Variants in THSD7B observed in about 807,000 individuals in gnomAD.
The protein encoded by THSD7B is thrombospondin type-1 domain-containing protein 7B.
In THSD7B, 138 loss-of-function variants were observed where a neutral mutation model predicts 213.6. That is an observed-to-expected ratio of 0.65 (90% CI 0.56 to 0.74). The LOEUF (loss-of-function observed/expected upper bound fraction) is 0.74. Ranked by LOEUF, THSD7B falls within the 30% of genes least tolerant of loss-of-function variation. THSD7B has a pLI of 0.00. For synonymous variants in THSD7B, 742 were observed against 687.0 expected (o/e 1.08, Z -1.25); for missense variants, 1,931 against 1,991.5 (o/e 0.97, Z 0.58).
In THSD7B at chr2:137,603,839, G is replaced by A. The variant is rs146921907; in HGVS notation, c.3424-12336G>A. ...AAAACTTTAAAACATGGCCAGGCACGGTGGCTCATGCCTGTAATCCCAACA... is the reference window on the plus strand; with the variant it reads ...AAAACTTTAAAACATGGCCAGGCACAGTGGCTCATGCCTGTAATCCCAACA... On this transcript the variant is annotated intron_variant, in intron 17 of 27. Transcript: ENST00000409968. 2.0e-4 allele frequency among the ~76,000 whole-genome samples: 30 copies of A among 152,260 alleles called. No homozygotes were observed. The East Asian group carries it at 5.4e-3, about 27-fold the overall frequency.
At chr2:137,624,275 A>G (rs1682579927) in intron 20 of THSD7B, among the ~76,000 whole-genome samples, 1 of 152,250 alleles carries the variant, frequency 6.6e-6, no homozygotes, top group South Asian at 2.1e-4. Flanking sequence ...GGCCAGCCAG[A>G]TGTAGAAAGC....
chr2:137,147,658 A>G (rs1440589041), intron 5 of THSD7B, among the ~76,000 whole-genome samples: 2 of 152,098 alleles, frequency 1.3e-5, no homozygotes, highest in Non-Finnish European at 2.9e-5. Context: ...ATTTCCGTTC[A>G]GATACTTTTA....
chr2:137,290,364 C>T (rs1683297778), intron 12 of THSD7B, among the ~76,000 whole-genome samples: 1 of 152,092 alleles, frequency 6.6e-6, no homozygotes, highest in South Asian at 2.1e-4. Flanking sequence ...GCTGGGATTA[C>T]AGGCGTGAGC....
intron 1 of THSD7B, among the ~76,000 whole-genome samples, chr2:136,864,233 T>C (rs1395423961): frequency 6.6e-6 from 1 of 152,172 alleles, no homozygotes; most frequent in East Asian, 1.9e-4. Flanking sequence ...AAGTGCTCAA[T>C]ATATGCTCCA....
At chr2:137,592,764 A>AT (rs1218768452) in intron 17 of THSD7B, among the ~76,000 whole-genome samples, 4 of 151,890 alleles carry the variant, frequency 2.6e-5, no homozygotes, top group African/African-American at 7.2e-5. Flanking sequence ...GGGTTGATAA[A>AT]TTTTTTTACT....
chr2:136,855,592 T>C (rs922631413), intron 1 of THSD7B, among the ~76,000 whole-genome samples: 2 of 128,502 alleles, frequency 1.6e-5, no homozygotes, highest in African/African-American at 5.8e-5. Context: ...CATCCGGCTA[T>C]TATTTATTTA....
At chr2:137,417,556 C>CAG (rs1358205640) in intron 14 of THSD7B, among the ~76,000 whole-genome samples, 1 of 152,078 alleles carries the variant, frequency 6.6e-6, no homozygotes, top group African/African-American at 2.4e-5. Flanking sequence ...CCTCCCGCCT[C>CAG]AGCCTCCTGA....
chr2:137,276,010 G>A lies in THSD7B; in HGVS notation c.2484G>A (p.Lys828=), dbSNP rs749793876. 7 of 1,611,386 alleles carry A rather than the reference G, an allele frequency of 4.3e-6. No homozygotes were observed. Among genetic ancestry groups the A allele is most frequent in the South Asian group, 2.2e-5 (2 of 90,874 alleles). ...GITGSSEACG[K]GLQTRAVSCI... ...CGGGCAGCAGTGAAGCCTGTGGAAA[G>A]GGGTTACAAACAAGAGGTATGATGA... Residue 828 remains lysine (K), a synonymous_variant, in exon 12 of 28, where the codon AAG becomes AAA. Coordinates refer to ENST00000409968, the MANE Select transcript of THSD7B (RefSeq NM_001316349.2).
In THSD7B at chr2:136,944,503, C is replaced by A. The variant is rs568626172; in HGVS notation, c.139+62186C>A. Reference sequence around the variant, plus strand: ...GGGGTGTTAAAGTCTCCCATTATTACTGTGTGGGAGTCTAAGTCTCTTTAT... The same window carrying A: ...GGGGTGTTAAAGTCTCCCATTATTAATGTGTGGGAGTCTAAGTCTCTTTAT... On this transcript the variant is annotated intron_variant, in intron 2 of 27. Transcript: ENST00000409968. Among the ~76,000 whole-genome samples the A allele has an allele frequency of 1.7e-4, 26 of 152,040 alleles. No individual in the cohort carries two copies. The South Asian group carries it at 5.4e-3, about 32-fold the overall frequency.
chr2:137,404,551 ATATT>A (rs1358853118), intron 12 of THSD7B, among the ~76,000 whole-genome samples: 6 of 97,244 alleles, frequency 6.2e-5, no homozygotes, highest in East Asian at 4.2e-4. Context: ...CACATACTAT[ATATT>A]TATATACACA....
chr2:136,818,395 TGTG>T (rs1682514424), intron 1 of THSD7B, among the ~76,000 whole-genome samples: 2 of 139,016 alleles, frequency 1.4e-5, no homozygotes, highest in Non-Finnish European at 3.1e-5. Context: ...TGGGGACTGT[TGTG>T]GGGTGGGGGG....
At chr2:137,414,982 G>A (rs561325661) in intron 14 of THSD7B, among the ~76,000 whole-genome samples, 33 of 145,260 alleles carry the variant, frequency 2.3e-4, no homozygotes, top group African/African-American at 6.5e-4. Context: ...CTTGAACTTC[G>A]TAGGCGGAAA....
At chr2:137,345,855 A>C (rs1007749367) in intron 12 of THSD7B, among the ~76,000 whole-genome samples, 5 of 151,566 alleles carry the variant, frequency 3.3e-5, no homozygotes, top group Non-Finnish European at 7.4e-5. Context: ...TTTTTTAAAA[A>C]GCTCAGCACA....
intron 12 of THSD7B, among the ~76,000 whole-genome samples, chr2:137,306,187 T>G (rs996043133): frequency 2.6e-5 from 4 of 152,132 alleles, no homozygotes; most frequent in African/African-American, 9.7e-5. Context: ...ACACAGTGCA[T>G]AATACATTGT....
intron 5 of THSD7B, among the ~76,000 whole-genome samples, chr2:137,120,851 T>C (rs1688533771): frequency 6.6e-6 from 1 of 152,226 alleles, no homozygotes; most frequent in Non-Finnish European, 1.5e-5. Flanking sequence ...GTGAAAGTAA[T>C]GACGTGTGTT....
At chr2:136,824,692 T>C (rs1272330302) in intron 1 of THSD7B, among the ~76,000 whole-genome samples, 3 of 152,212 alleles carry the variant, frequency 2.0e-5, no homozygotes, top group Non-Finnish European at 4.4e-5. Flanking sequence ...TTCTCTTTGC[T>C]GATAGATGTT....
chr2:136,999,467 T>A (rs1558882231), intron 2 of THSD7B, among the ~76,000 whole-genome samples: 1 of 150,248 alleles, frequency 6.7e-6, no homozygotes, highest in Non-Finnish European at 1.5e-5. Flanking sequence ...GGTATCTTGT[T>A]TTTTTTTTTT....
chr2:137,426,277 C>T (rs1687053036), intron 14 of THSD7B, among the ~76,000 whole-genome samples: 1 of 151,958 alleles, frequency 6.6e-6, no homozygotes, highest in East Asian at 1.9e-4. Context: ...AGACTCAATG[C>T]AACCCTTATC....
chr2:137,138,197 A>T (rs932341506), intron 5 of THSD7B, among the ~76,000 whole-genome samples: 5 of 152,176 alleles, frequency 3.3e-5, no homozygotes, highest in Non-Finnish European at 7.3e-5. Context: ...ATAGTTTTGG[A>T]ATATGAAGGA....
Sources: allele counts gnomAD v4.1 joint callset (sites outside exome capture counted in the v4.1 genomes callset), GRCh38; gene constraint gnomAD v4.1.1; transcripts MANE v1.5; gene names NCBI Gene and HGNC (gene_info 2026-07-23, HGNC 2026-07-21).